Variants in KANK1 observed in about 807,000 individuals in gnomAD.
KANK1 encodes the protein KN motif and ankyrin repeat domain-containing protein 1.
KANK1 carries 109 observed loss-of-function variants against 106.2 expected under a neutral mutation model. The observed-to-expected ratio is 1.03, with a 90% confidence interval of 0.88 to 1.20. The LOEUF is 1.20. Ranked by LOEUF, KANK1 falls within the 50% of genes most tolerant of loss-of-function variation. KANK1 has a pLI of 0.00. For missense variants in KANK1, 2,399 were observed against 1,710.7 expected (o/e 1.40, Z -7.10); for synonymous variants, 873 against 652.2 (o/e 1.34, Z -5.16).
At chr9:565,786 T>C (rs1008244277) in intron 1 of KANK1, among the ~76,000 whole-genome samples, 3 of 152,236 alleles carry the variant, frequency 2.0e-5, no homozygotes, top group Admixed American at 6.5e-5. Flanking sequence ...TGATGCTATT[T>C]ACCACAGTAA....
chr9:637,332 T>G (rs1349781741), intron 1 of KANK1, among the ~76,000 whole-genome samples: 1 of 152,200 alleles, frequency 6.6e-6, no homozygotes, highest in Non-Finnish European at 1.5e-5. Context: ...GTGACAGTAC[T>G]TTGTTTAGAA....
chr9:571,559 C>T (rs1456953437), intron 1 of KANK1, among the ~76,000 whole-genome samples: 3 of 148,620 alleles, frequency 2.0e-5, no homozygotes, highest in African/African-American at 7.4e-5. Flanking sequence ...TGCTTCACTT[C>T]TAAATAAAAA....
At chr9:609,415 G>C (rs1404895045) in intron 1 of KANK1, among the ~76,000 whole-genome samples, 2 of 152,116 alleles carry the variant, frequency 1.3e-5, no homozygotes, top group Non-Finnish European at 2.9e-5. Context: ...ATCACCTGAG[G>C]TCAGGAGTTC....
intron 1 of KANK1, among the ~76,000 whole-genome samples, chr9:562,067 A>T (rs1587832921): frequency 1.1e-5 from 1 of 88,788 alleles, no homozygotes; most frequent in Admixed American, 1.8e-4. Context: ...TTTTTTTGAG[A>T]CGGAGTCTCG....
rs201438936 is a variant in KANK1 at position 710,961 on chromosome 9, G to A, written c.195G>A (p.Lys65=). The part of the protein sequence containing the change: ...GNTIKRLNIQ[K]RRKPSVPCPE... ...CCATCAAAAGACTGAACATCCAGAA[G>A]AGGCGGAAGCCGTCCGTGCCATGCC... The change falls in exon 3 of 12, where the codon AAG becomes AAA. Residue 65 remains lysine, a synonymous_variant. Coordinates refer to ENST00000382297, the MANE Select transcript of KANK1 (RefSeq NM_015158.5). 209 of 1,614,184 alleles carry A rather than the reference G, an allele frequency of 1.3e-4. 1 individual carries two copies. In the East Asian group the frequency reaches 4.6e-3, roughly 35 times the overall value.
rs899636145 is a variant in KANK1, at chr9:702,417, G to C, written c.38-8387G>C. Among the ~76,000 whole-genome samples, 8 of 152,146 alleles carry C rather than the reference G, an allele frequency of 5.3e-5. 1 individual carries two copies. The highest frequency in any genetic ancestry group is 1.3e-4 in the Admixed American group (2 of 15,272). ...AGACTGTGAGCCTTGTGAGAACAGA[G>C]ACTTTGTCCATTTTGTTCGGTGCCC... On this transcript the variant is annotated intron_variant, in intron 2 of 11. Transcript: ENST00000382297.
intron 1 of KANK1, among the ~76,000 whole-genome samples, chr9:533,749 C>T (rs1228675899): frequency 6.6e-6 from 1 of 152,142 alleles, no homozygotes; most frequent in Admixed American, 6.5e-5. Flanking sequence ...ATGCAAAGGT[C>T]ATGGGAGCTT....
At chr9:683,655 C>A (rs1371128376) in intron 2 of KANK1, among the ~76,000 whole-genome samples, 1 of 152,180 alleles carries the variant, frequency 6.6e-6, no homozygotes, top group Non-Finnish European at 1.5e-5. Context: ...GCATAAAACC[C>A]TAAAGTACAG....
intron 1 of KANK1, among the ~76,000 whole-genome samples, chr9:666,832 C>A (rs1844700118): frequency 6.7e-6 from 1 of 148,378 alleles, no homozygotes; most frequent in African/African-American, 2.5e-5. Flanking sequence ...TTGCTGAATT[C>A]AGTTTGTTAA....
intron 1 of KANK1, among the ~76,000 whole-genome samples, chr9:585,348 A>C (rs2135409640): frequency 6.6e-6 from 1 of 152,346 alleles, no homozygotes; most frequent in East Asian, 1.9e-4. Context: ...AATCTGACAG[A>C]CATTGGACAT....
At position 712,994 on chromosome 9, in the gene KANK1, C is replaced by G. The variant is rs114563873; in HGVS notation, c.2228C>G (p.Ser743Cys). The G allele has an allele frequency of 1.7e-5, 28 of 1,614,220 alleles. No individual in the cohort carries two copies. In the African/African-American group the frequency reaches 3.3e-4, roughly 19 times the overall value. ...TRSIGVGTLL[S>C]GHSGFDRPSA... ...TCCATTGGTGTTGGAACGTTGCTTT[C>G]TGGCCATTCTGGGTTTGACAGGCCA... Residue 743 changes from serine to cysteine, a missense_variant, in exon 3 of 12, where the codon TCT becomes TGT. By Grantham distance (112) the Ser-to-Cys change is moderately radical. Coordinates refer to ENST00000382297, the MANE Select transcript of KANK1 (RefSeq NM_015158.5).
At chr9:651,853 G>A (rs187424446) in intron 1 of KANK1, among the ~76,000 whole-genome samples, 3 of 152,268 alleles carry the variant, frequency 2.0e-5, no homozygotes, top group Admixed American at 2.0e-4. Flanking sequence ...AATATAAATT[G>A]CTCTGAGCCA....
At chr9:645,115 C>G (rs1839360033) in intron 1 of KANK1, among the ~76,000 whole-genome samples, 1 of 113,480 alleles carries the variant, frequency 8.8e-6, no homozygotes, top group Admixed American at 1.0e-4. Context: ...CGGGGCAAGA[C>G]TCCATCTCTA....
chr9:716,274 T>C (rs1206063936), intron 3 of KANK1, among the ~76,000 whole-genome samples: 2 of 152,234 alleles, frequency 1.3e-5, no homozygotes, highest in African/African-American at 2.4e-5. Flanking sequence ...GTAATGAAGA[T>C]TCAGTGAGTC....
intron 2 of KANK1, among the ~76,000 whole-genome samples, chr9:709,658 C>T (rs1004191639): frequency 9.4e-5 from 14 of 149,586 alleles, no homozygotes; most frequent in African/African-American, 3.5e-4. Context: ...CTCTGTTGCC[C>T]AGGCTAGAAT....
At chr9:706,991 T>C in intron 2 of KANK1, 1 of 985,458 alleles carries the variant, frequency 1.0e-6, no homozygotes, top group South Asian at 4.7e-5. Flanking sequence ...AAGATACCGG[T>C]TTCCTGTTTT....
chr9:614,890 C>G (rs1831426975), intron 1 of KANK1, among the ~76,000 whole-genome samples: 1 of 152,110 alleles, frequency 6.6e-6, no homozygotes, highest in South Asian at 2.1e-4. Flanking sequence ...ATTGTGATTA[C>G]TCCTACATAC....
At chr9:600,534 C>T (rs1827478224) in intron 1 of KANK1, among the ~76,000 whole-genome samples, 1 of 151,762 alleles carries the variant, frequency 6.6e-6, no homozygotes, top group South Asian at 2.1e-4. Context: ...AAAATGAAGT[C>T]CTTTTAGGTA....
Position 732,609 on chromosome 9 carries a change from CAG to C in KANK1, c.3244_3245del (p.Arg1082ValfsTer2), listed in dbSNP as rs1375903053. 1.9e-6 allele frequency: 3 copies of C among 1,613,800 alleles called. No individual in the cohort carries two copies. The highest frequency in any genetic ancestry group is 1.7e-6 in the Non-Finnish European group (2 of 1,179,878). The part of the protein sequence containing the change: ...QECEPEKVEI[R>X]ERYELSEKML... ...AATGTGAACCTGAGAAGGTGGAAAT[CAG>C]AGAGAGGTGTGGTACATTCCCCTTC... is the stretch of plus-strand genomic sequence containing the variant. On this transcript the variant is annotated frameshift_variant, in exon 6 of 12. Transcript: ENST00000382297. LOFTEE classifies it high-confidence loss of function.
Sources: gnomAD v4.1 joint callset for allele counts (sites outside exome capture counted in the v4.1 genomes callset) on GRCh38, gnomAD v4.1.1 for gene constraint, MANE v1.5 for transcripts, NCBI Gene and HGNC (gene_info 2026-07-23, HGNC 2026-07-21) for gene names.